SLC24A3: variants seen among roughly 807,000 people sequenced by gnomAD.
The protein encoded by SLC24A3 is solute carrier family 24 member 3, also known as sodium/potassium/calcium exchanger 3.
In SLC24A3, 28 loss-of-function variants were observed where a neutral mutation model predicts 75.8. That is an observed-to-expected ratio of 0.37 (90% confidence interval 0.27 to 0.51). The LOEUF is 0.51. SLC24A3 is among the 20% of genes least tolerant of loss of function. The probability of loss-of-function intolerance (pLI) is 0.94; values close to 1 mark genes in which losing one functional copy is unlikely to be tolerated. For synonymous variants in SLC24A3, 372 were observed against 334.1 expected (o/e 1.11, Z -1.24); for missense variants, 663 against 847.8 (o/e 0.78, Z 2.71).
intron 8 of SLC24A3, among the ~76,000 whole-genome samples, chr20:19,669,981 G>A (rs993377084): frequency 1.3e-5 from 2 of 152,144 alleles, no homozygotes; most frequent in Admixed American, 6.5e-5. Context: ...GAGGAAAGGG[G>A]AGAAGGTGCC....
At chr20:19,547,424 G>A (rs752244843) in intron 3 of SLC24A3, among the ~76,000 whole-genome samples, 2 of 152,180 alleles carry the variant, frequency 1.3e-5, no homozygotes, top group Non-Finnish European at 2.9e-5. Flanking sequence ...AAATATTCTG[G>A]GGTGATGGAA....
intron 2 of SLC24A3, among the ~76,000 whole-genome samples, chr20:19,299,506 A>G (rs1984146854): frequency 6.6e-6 from 1 of 152,244 alleles, no homozygotes; most frequent in Non-Finnish European, 1.5e-5. Context: ...AAGAGAGCCA[A>G]TAAGAAAATT....
chr20:19,550,280 G>A (rs182151513), intron 3 of SLC24A3, among the ~76,000 whole-genome samples: 2 of 151,870 alleles, frequency 1.3e-5, no homozygotes, highest in Non-Finnish European at 2.9e-5. Flanking sequence ...TCTTTAAAAG[G>A]CAACAGATTA....
Position 19,392,099 on chromosome 20 carries a change from G to A in SLC24A3, c.271+111012G>A, listed in dbSNP as rs1022380490. 2.6e-5 allele frequency among the ~76,000 whole-genome samples: 4 copies of A among 152,258 alleles called. No homozygotes were observed. In the East Asian group the frequency reaches 7.7e-4, roughly 29 times the overall value. ...CACAGTAGGTATACAATTAATGTTT[G>A]TTGATTTAAAAAAAGAAAGGTCCTT... is the stretch of plus-strand genomic sequence containing the variant. On this transcript the variant is annotated intron_variant, in intron 2 of 16. Transcript: ENST00000328041.
At chr20:19,717,407 C>A in intron 15 of SLC24A3, 121 bp from the exon 16 acceptor site, 1 of 902,424 alleles carries the variant, frequency 1.1e-6, no homozygotes, top group Non-Finnish European at 1.7e-6. Flanking sequence ...CTTTTTCATT[C>A]TAGAGGGGAG....
At chr20:19,665,370 A>C (rs1387250489) in intron 7 of SLC24A3, among the ~76,000 whole-genome samples, 1 of 130,126 alleles carries the variant, frequency 7.7e-6, no homozygotes, top group Non-Finnish European at 1.7e-5. Context: ...TTAAGGAAAC[A>C]AAAAAAAATC....
intron 2 of SLC24A3, among the ~76,000 whole-genome samples, chr20:19,432,942 T>A (rs1652591907): frequency 6.6e-6 from 1 of 152,246 alleles, no homozygotes; most frequent in South Asian, 2.1e-4. Flanking sequence ...TATATCCTAT[T>A]GCTCAAGGTC....
chr20:19,270,495 G>T (rs189965134), intron 1 of SLC24A3, among the ~76,000 whole-genome samples: 1 of 152,262 alleles, frequency 6.6e-6, no homozygotes, highest in East Asian at 1.9e-4. Flanking sequence ...GTGCCAGCGT[G>T]GTCAGGTTCT....
At chr20:19,268,880 G>A (rs1159130219) in intron 1 of SLC24A3, among the ~76,000 whole-genome samples, 1 of 152,216 alleles carries the variant, frequency 6.6e-6, no homozygotes, top group African/African-American at 2.4e-5. Flanking sequence ...AGGCAAAGAA[G>A]GAGGCTAGAA....
intron 8 of SLC24A3, among the ~76,000 whole-genome samples, chr20:19,666,999 G>T (rs1199126905): frequency 6.6e-6 from 1 of 152,184 alleles, no homozygotes; most frequent in East Asian, 1.9e-4. Flanking sequence ...ATAGGCGTAG[G>T]TAGAAAATCT....
chr20:19,263,632 C>T (rs546565259), intron 1 of SLC24A3, among the ~76,000 whole-genome samples: 1 of 152,302 alleles, frequency 6.6e-6, no homozygotes, highest in East Asian at 1.9e-4. Flanking sequence ...ATCCTCTCTC[C>T]TTTCCCTGCC....
At chr20:19,379,429 T>A (rs1986143716) in intron 2 of SLC24A3, among the ~76,000 whole-genome samples, 1 of 139,676 alleles carries the variant, frequency 7.2e-6, no homozygotes, top group East Asian at 2.2e-4. Context: ...CTGTGGTCAG[T>A]GGGGTGCCAT....
intron 2 of SLC24A3, among the ~76,000 whole-genome samples, chr20:19,345,548 G>A (rs1985372201): frequency 6.6e-6 from 1 of 152,006 alleles, no homozygotes; most frequent in African/African-American, 2.4e-5. Context: ...GTAAAAGAAG[G>A]ACTAATATCC....
Position 19,410,117 on chromosome 20 carries a change from A to G in SLC24A3, c.272-105371A>G, listed in dbSNP as rs75574204. 2.8e-4 allele frequency among the ~76,000 whole-genome samples: 42 copies of G among 152,310 alleles called. No homozygotes were observed. In the East Asian group the frequency reaches 7.3e-3, roughly 27 times the overall value. ...GAACAAGAAACTGCAGAAAGAATAG[A>G]GGCATTAGCTAGAAAAACGTTGGAA... On this transcript the variant is annotated intron_variant, in intron 2 of 16. Coordinates refer to ENST00000328041, the MANE Select transcript of SLC24A3 (RefSeq NM_020689.4).
At chr20:19,358,865 T>C (rs1985736647) in intron 2 of SLC24A3, among the ~76,000 whole-genome samples, 1 of 152,230 alleles carries the variant, frequency 6.6e-6, no homozygotes, top group Non-Finnish European at 1.5e-5. Flanking sequence ...AATGGAATCA[T>C]ACAATTTATG....
intron 2 of SLC24A3, among the ~76,000 whole-genome samples, chr20:19,434,103 C>T (rs781487691): frequency 1.3e-5 from 2 of 152,182 alleles, no homozygotes; most frequent in African/African-American, 4.8e-5. Flanking sequence ...AAATGAAAGA[C>T]GTGATTAATA....
intron 2 of SLC24A3, among the ~76,000 whole-genome samples, chr20:19,384,752 A>G (rs4813354): frequency 0.42 from 63,825 of 152,054 alleles, 13,853 homozygotes; most frequent in Middle Eastern, 0.56. Context: ...CTGAAGAATC[A>G]TCATACTCTT....
At chr20:19,672,738 A>G (rs1028294401) in intron 8 of SLC24A3, among the ~76,000 whole-genome samples, 5 of 152,112 alleles carry the variant, frequency 3.3e-5, no homozygotes, top group Admixed American at 2.6e-4. Context: ...TCACTTTTTT[A>G]TAAACACTGC....
At position 19,425,006 on chromosome 20, in the gene SLC24A3, G is replaced by A. The variant is rs114466711; in HGVS notation, c.272-90482G>A. Among the ~76,000 whole-genome samples, 356 of 152,068 alleles carry A rather than the reference G, an allele frequency of 2.3e-3. 1 individual carries two copies. The highest frequency in any genetic ancestry group is 8.4e-3 in the African/African-American group (347 of 41,516). Reference sequence around the variant, plus strand: ...TGGCCAATACCCGCAAAACATACCCGCTAATAAAAATTTTTGGGCTGGGCA... The same window carrying A: ...TGGCCAATACCCGCAAAACATACCCACTAATAAAAATTTTTGGGCTGGGCA... On this transcript the variant is annotated intron_variant, in intron 2 of 16. Coordinates refer to ENST00000328041, the MANE Select transcript of SLC24A3 (RefSeq NM_020689.4).
Sources: allele counts gnomAD v4.1 joint callset (sites outside exome capture counted in the v4.1 genomes callset), GRCh38; gene constraint gnomAD v4.1.1; transcripts MANE v1.5; gene names NCBI Gene and HGNC (gene_info 2026-07-23, HGNC 2026-07-21).